The following PRKCI variants were observed in gnomAD, a reference collection of about 807,000 sequenced individuals.
PRKCI encodes protein kinase C iota.
In PRKCI, 43 loss-of-function variants were observed where a neutral mutation model predicts 84.0. The ratio of observed to expected loss-of-function variants is 0.51; its 90% CI spans 0.40 to 0.66. The LOEUF (loss-of-function observed/expected upper bound fraction) is 0.66. Among genes scored for constraint, PRKCI ranks in the 30% least tolerant of loss-of-function variants. The pLI, the probability that PRKCI is intolerant of heterozygous loss-of-function variation, is 0.00. For synonymous variants in PRKCI, 216 were observed against 234.4 expected (o/e 0.92, Z 0.72); for missense variants, 459 against 745.6 (o/e 0.62, Z 4.48).
chr3:170,268,172 A>G (rs1345786155), intron 5 of PRKCI, among the ~76,000 whole-genome samples, 172 bp downstream of exon 5: 1 of 152,166 alleles, frequency 6.6e-6, no homozygotes, highest in African/African-American at 2.4e-5. Context: ...TTTTAATAGC[A>G]TCTCTTTCAC....
chr3:170,255,280 G>A (rs960801565), intron 2 of PRKCI, among the ~76,000 whole-genome samples: 3 of 151,842 alleles, frequency 2.0e-5, no homozygotes, highest in Non-Finnish European at 4.4e-5. Context: ...GGCTGGTCTC[G>A]AACTCCTGAC....
At chr3:170,241,913 A>C (rs1733142712) in intron 2 of PRKCI, among the ~76,000 whole-genome samples, 1 of 151,540 alleles carries the variant, frequency 6.6e-6, no homozygotes, top group South Asian at 2.1e-4. Context: ...GGATCACCTG[A>C]GGTCGGGCCA....
chr3:170,228,004 A>G (rs1317766399), intron 1 of PRKCI, among the ~76,000 whole-genome samples: 7 of 152,190 alleles, frequency 4.6e-5, no homozygotes, highest in Admixed American at 4.6e-4. Context: ...TGGACAACTC[A>G]TAGGTTTCTC....
intron 1 of PRKCI, among the ~76,000 whole-genome samples, chr3:170,227,985 G>A (rs1346108896): frequency 6.6e-6 from 1 of 152,168 alleles, no homozygotes; most frequent in African/African-American, 2.4e-5. Context: ...TTGTAGGGGT[G>A]ACGGGAGTTG....
intron 14 of PRKCI, 82 bp from the exon 15 acceptor site, chr3:170,295,829 A>C: frequency 3.7e-6 from 3 of 813,718 alleles, no homozygotes; most frequent in South Asian, 5.4e-5. Flanking sequence ...TGGGCAACAG[A>C]ACAAGCCCCT....
rs1239218748 is a variant in PRKCI at position 170,284,613 on chromosome 3, A to G, written c.1203+17A>G. On this transcript the variant is annotated intron_variant, in intron 12 of 17. Transcript: ENST00000295797. ...ATGTGTAAGGTGAGGAAAATTTTCT[A>G]GTTATTTTAAAAGGTCTTCAGCAGC... 3 of 1,604,714 alleles carry G rather than the reference A, an allele frequency of 1.9e-6. No homozygotes were observed. The highest frequency in any genetic ancestry group is 2.5e-6 in the Non-Finnish European group (3 of 1,177,612).
rs75266191 is a variant in PRKCI, at chr3:170,270,576, C to CT, written c.591+35dup. On this transcript the variant is annotated intron_variant, in intron 6 of 17. Transcript: ENST00000295797. ...CTTTGCCACAGGTAAGATGTCTGTC[C>CT]TTTTTTTTTTTTTTTTTTTTAAGAG... 95,028 of 1,333,142 alleles carry CT rather than the reference C, an allele frequency of 0.071. 43 individuals are homozygous for CT. The highest frequency in any genetic ancestry group is 0.079 in the South Asian group (4,659 of 58,810). 82.6% of individuals were successfully genotyped at this position (1,333,142 alleles called of 1,614,324 possible).
Position 170,264,784 on chromosome 3 carries a change from A to G in PRKCI, c.364+1355A>G, listed in dbSNP as rs531316703. On this transcript the variant is annotated intron_variant, in intron 4 of 17. Coordinates refer to ENST00000295797, the MANE Select transcript of PRKCI (RefSeq NM_002740.6). The stretch of plus-strand genomic sequence containing the variant: ...TGCCAAATTTCCATCCCCAAGCTTA[A>G]TGAATTAGTGTGGAGGTGAAATCTG... Among the ~76,000 whole-genome samples, 146 of 152,322 alleles carry G rather than the reference A, an allele frequency of 9.6e-4. 1 individual carries two copies. The highest frequency in any genetic ancestry group is 3.1e-3 in the African/African-American group (129 of 41,568).
rs1001842344 is a variant in PRKCI, at chr3:170,251,362, T to G, written c.224-8607T>G. The stretch of plus-strand genomic sequence containing the variant: ...AGAAAGTTTGGAAAGAGAAGACTTT[T>G]CCTAATGTTGTATACAGGAATAGTA... On this transcript the variant is annotated intron_variant, in intron 2 of 17. Coordinates refer to ENST00000295797, the MANE Select transcript of PRKCI (RefSeq NM_002740.6). 2.0e-5 allele frequency among the ~76,000 whole-genome samples: 3 copies of G among 152,190 alleles called. No individual in the cohort carries two copies. The East Asian group carries it at 5.8e-4, about 29-fold the overall frequency.
At chr3:170,281,130 C>A in intron 9 of PRKCI, 36 bp from the exon 10 acceptor site, 1 of 1,519,278 alleles carries the variant, frequency 6.6e-7, no homozygotes, top group Non-Finnish European at 9.1e-7. Context: ...ATTGTGATAT[C>A]AGTTTGACAT....
At chr3:170,257,480 A>C (rs1036066218) in intron 2 of PRKCI, among the ~76,000 whole-genome samples, 3 of 152,148 alleles carry the variant, frequency 2.0e-5, no homozygotes, top group African/African-American at 7.2e-5. Flanking sequence ...AAGTTGTTTC[A>C]TTATAAAAGA....
At chr3:170,283,163 A>G (rs906550062) in intron 11 of PRKCI, among the ~76,000 whole-genome samples, 15 of 152,144 alleles carry the variant, frequency 9.9e-5, no homozygotes, top group Non-Finnish European at 5.9e-5. Context: ...ATATTAATAT[A>G]CAAGACTGTA....
chr3:170,278,468 A>C (rs1405324446), intron 8 of PRKCI, among the ~76,000 whole-genome samples: 1 of 152,204 alleles, frequency 6.6e-6, no homozygotes, highest in African/African-American at 2.4e-5. Flanking sequence ...CCTTGGCAAC[A>C]TAGCAAGACC....
intron 9 of PRKCI, among the ~76,000 whole-genome samples, chr3:170,280,774 T>G (rs1484054927): frequency 6.6e-6 from 1 of 152,152 alleles, no homozygotes; most frequent in Non-Finnish European, 1.5e-5. Context: ...AAAGAAAACC[T>G]CTATGTTTGT....
At chr3:170,252,227 A>G (rs1560172290) in intron 2 of PRKCI, among the ~76,000 whole-genome samples, 1 of 151,986 alleles carries the variant, frequency 6.6e-6, no homozygotes. Context: ...AAAAAAAAAA[A>G]GAAATTAGGA....
rs867514822 is a variant in PRKCI at position 170,303,193 on chromosome 3, G to A, written c.*66G>A. On this transcript the variant is annotated 3_prime_UTR_variant, in exon 18 of 18. Transcript: ENST00000295797. ...TAATGCATGGATAAACTTGCTGCAA[G>A]CCTGGATACAATTAACCATTTTATA... The A allele has an allele frequency of 5.5e-5, 69 of 1,261,040 alleles. 1 individual carries two copies. The highest frequency in any genetic ancestry group is 2.9e-4 in the Admixed American group (14 of 47,914). 78.1% of individuals were successfully genotyped at this position (1,261,040 alleles called of 1,614,324 possible).
At chr3:170,239,211 G>T (rs1483916351) in intron 2 of PRKCI, among the ~76,000 whole-genome samples, 1 of 152,040 alleles carries the variant, frequency 6.6e-6, no homozygotes, top group African/African-American at 2.4e-5. Flanking sequence ...TGCTAACCTG[G>T]TATTTCAAAT....
chr3:170,280,729 C>T (rs1005089407), intron 9 of PRKCI, among the ~76,000 whole-genome samples: 1 of 152,070 alleles, frequency 6.6e-6, no homozygotes, highest in Non-Finnish European at 1.5e-5. Flanking sequence ...GGAATATAGG[C>T]GTGAGCCACC....
At chr3:170,264,608 T>C (rs1733812689) in intron 4 of PRKCI, among the ~76,000 whole-genome samples, 1 of 152,144 alleles carries the variant, frequency 6.6e-6, no homozygotes, top group African/African-American at 2.4e-5. Flanking sequence ...TCTTTAAATA[T>C]TGCAGACTTC....
Sources: allele counts gnomAD v4.1 joint callset (sites outside exome capture counted in the v4.1 genomes callset), GRCh38; gene constraint gnomAD v4.1.1; transcripts MANE v1.5; gene names NCBI Gene and HGNC (gene_info 2026-07-23, HGNC 2026-07-21).